AFF2: variants seen among roughly 807,000 people sequenced by gnomAD.
The protein encoded by AFF2 is ALF transcription elongation factor 2, also known as AF4/FMR2 family member 2.
In AFF2, 14 loss-of-function variants were observed where a neutral mutation model predicts 76.9. The ratio of observed to expected loss-of-function variants is 0.18; its 90% CI spans 0.12 to 0.28. The LOEUF is 0.28. Ranked by LOEUF, AFF2 falls within the 10% of genes least tolerant of loss-of-function variation. The probability of loss-of-function intolerance (pLI) is 1.00; values close to 1 mark genes in which losing one functional copy is unlikely to be tolerated. For synonymous variants in AFF2, 398 were observed against 366.7 expected, an observed-to-expected ratio of 1.09 and a Z score of -0.98; for missense variants, 868 against 1,001.1, an observed-to-expected ratio of 0.87 and a Z score of 1.79.
At chrX:148,666,026 C>G (rs1194858418) in intron 3 of AFF2, among the ~76,000 whole-genome samples, 1 of 111,801 alleles carries the variant, frequency 8.9e-6, no homozygotes, top group East Asian at 2.8e-4. Flanking sequence ...CTAAGCTATA[C>G]AAATAAGCAG....
intron 3 of AFF2, among the ~76,000 whole-genome samples, chrX:148,689,960 C>T (rs1043028291): frequency 1.8e-4 from 20 of 112,041 alleles, no homozygotes; most frequent in Admixed American, 2.8e-4. Context: ...ACATTGTCTG[C>T]CATCTCTCAA....
At chrX:148,776,294 A>G (rs970403814) in intron 3 of AFF2, among the ~76,000 whole-genome samples, 2 of 111,798 alleles carry the variant, frequency 1.8e-5, no homozygotes, top group Non-Finnish European at 3.8e-5. Context: ...AGTCTTTCCT[A>G]TTGTGAATAG....
At chrX:148,793,850 G>A (rs906372413) in intron 3 of AFF2, among the ~76,000 whole-genome samples, 15 of 111,653 alleles carry the variant, frequency 1.3e-4, no homozygotes, top group Non-Finnish European at 2.3e-4. Context: ...AATCCCCGGG[G>A]CCTTTTCTCT....
chrX:148,549,518 C>T (rs1392646504), intron 1 of AFF2, among the ~76,000 whole-genome samples: 3 of 111,581 alleles, frequency 2.7e-5, no homozygotes, highest in African/African-American at 9.8e-5. Flanking sequence ...GTTTACCTTT[C>T]CTCATAGGTT....
At chrX:148,789,288 A>G (rs782689765) in intron 3 of AFF2, among the ~76,000 whole-genome samples, 10 of 111,980 alleles carry the variant, frequency 8.9e-5, no homozygotes, top group African/African-American at 2.6e-4. Context: ...CAGTAAAAGG[A>G]TGACAGGATT....
intron 3 of AFF2, among the ~76,000 whole-genome samples, chrX:148,714,341 T>TA (rs1283863186): frequency 4.5e-5 from 5 of 112,092 alleles, no homozygotes; most frequent in Admixed American, 2.8e-4. Flanking sequence ...GATTACTCCC[T>TA]AATTAATTAA....
chrX:148,676,695 A>T (rs1336665925), intron 3 of AFF2, among the ~76,000 whole-genome samples: 2 of 111,933 alleles, frequency 1.8e-5, no homozygotes, highest in Non-Finnish European at 3.8e-5. Context: ...TTGGAGTATG[A>T]TTGGAAGTTT....
chrX:148,618,936 G>A (rs1474112416), intron 1 of AFF2, among the ~76,000 whole-genome samples: 1 of 111,191 alleles, frequency 9.0e-6, no homozygotes, highest in Non-Finnish European at 1.9e-5. Flanking sequence ...CCACCAGAAG[G>A]AAAGAACTCC....
intron 1 of AFF2, among the ~76,000 whole-genome samples, chrX:148,601,021 G>A (rs2053621352): frequency 8.9e-6 from 1 of 112,180 alleles, no homozygotes; most frequent in Non-Finnish European, 1.9e-5. Context: ...GAAGTAGGGA[G>A]GACAGATACT....
intron 3 of AFF2, among the ~76,000 whole-genome samples, chrX:148,787,857 A>G (rs1381963991): frequency 8.9e-6 from 1 of 112,376 alleles, no homozygotes; most frequent in African/African-American, 3.2e-5. Flanking sequence ...TGTAATCACT[A>G]CAATGAAAGA....
At chrX:148,661,579 T>A (rs1185728559) in intron 2 of AFF2, among the ~76,000 whole-genome samples, 2 of 112,104 alleles carry the variant, frequency 1.8e-5, no homozygotes, top group African/African-American at 6.5e-5. Context: ...ATGTAGCAAT[T>A]CAGCTCATCT....
intron 7 of AFF2, among the ~76,000 whole-genome samples, chrX:148,877,208 A>G (rs1485404945): frequency 8.9e-6 from 1 of 111,788 alleles, no homozygotes; most frequent in Non-Finnish European, 1.9e-5. Context: ...CTAAAAGTGG[A>G]CCTGCATCTT....
At position 148,709,129 on chromosome X, in the gene AFF2, A is replaced by G. The variant is rs782188929; in HGVS notation, c.1041+46361A>G. On this transcript the variant is annotated intron_variant, in intron 3 of 20. Transcript: ENST00000370460. ...AACCTTTCTATTATTGTGGAAAACT[A>G]AGAAAATTGCTTTCTGCTGTACAAT... Among the ~76,000 whole-genome samples, 104 of 111,717 alleles carry G rather than the reference A, an allele frequency of 9.3e-4. 1 individual carries two copies. Among genetic ancestry groups the G allele is most frequent in the Non-Finnish European group, 1.7e-3 (88 of 53,143 alleles).
rs1223959864 is a variant in AFF2, at chrX:148,662,588, A to G, written c.861A>G (p.Ala287=). ...KTSMGQQKPT[A]YVRPMDGQDQ... ...GCATGGGGCAGCAAAAGCCAACTGC[A>G]TACGTCAGACCCATGGATGGCCAGG... is the stretch of plus-strand genomic sequence containing the variant. Residue 287 remains alanine (A), a synonymous_variant, in exon 3 of 21, where the codon GCA becomes GCG. Coordinates refer to ENST00000370460, the MANE Select transcript of AFF2 (RefSeq NM_002025.4). 4.1e-6 allele frequency: 5 copies of G among 1,209,780 alleles called. No homozygotes were observed. The highest frequency in any genetic ancestry group is 5.6e-6 in the Non-Finnish European group (5 of 895,254).
chrX:148,526,262 G>A (rs1157894852), intron 1 of AFF2, among the ~76,000 whole-genome samples: 1 of 109,648 alleles, frequency 9.1e-6, no homozygotes, highest in African/African-American at 3.3e-5. Context: ...GGTAATTTTA[G>A]ATTCACACAT....
intron 1 of AFF2, among the ~76,000 whole-genome samples, chrX:148,514,961 A>G (rs782533230): frequency 8.9e-6 from 1 of 112,130 alleles, no homozygotes; most frequent in East Asian, 2.8e-4. Flanking sequence ...AAGGTGAGAA[A>G]CACAACACTG....
At chrX:148,841,005 T>C (rs1246583548) in intron 5 of AFF2, among the ~76,000 whole-genome samples, 1 of 112,510 alleles carries the variant, frequency 8.9e-6, no homozygotes, top group Non-Finnish European at 1.9e-5. Context: ...TCCAATTCAG[T>C]GAATAACACA....
chrX:148,559,886 CCCA>C (rs2053091286), intron 1 of AFF2, among the ~76,000 whole-genome samples: 1 of 111,686 alleles, frequency 9.0e-6, no homozygotes, highest in Admixed American at 9.5e-5. Flanking sequence ...AATTTACACT[CCCA>C]CCAACAGTGT....
At position 148,592,490 on chromosome X, in the gene AFF2, A is replaced by C. The variant is rs1339335181; in HGVS notation, c.48-59509A>C. On this transcript the variant is annotated intron_variant, in intron 1 of 20. Coordinates refer to ENST00000370460, the MANE Select transcript of AFF2 (RefSeq NM_002025.4). ...TTTTTAAACCCAAGGCCTGCTATAAAAAAAAAAAAAAAAGTATATTTTTCA... is the reference window on the plus strand; with the variant it reads ...TTTTTAAACCCAAGGCCTGCTATAACAAAAAAAAAAAAAGTATATTTTTCA... 5.8e-3 allele frequency among the ~76,000 whole-genome samples: 631 copies of C among 109,419 alleles called. 3 individuals are homozygous for C. Among genetic ancestry groups the C allele is most frequent in the African/African-American group, 0.019 (574 of 29,768 alleles).
Sources: allele counts gnomAD v4.1 joint callset (sites outside exome capture counted in the v4.1 genomes callset), GRCh38; gene constraint gnomAD v4.1.1; transcripts MANE v1.5; gene names NCBI Gene and HGNC (gene_info 2026-07-23, HGNC 2026-07-21).